CHST10: variants seen among roughly 807,000 people sequenced by gnomAD.
CHST10 encodes HNK-1 sulfotransferase.
In CHST10, 24 loss-of-function variants were observed where a neutral mutation model predicts 34.7. The ratio of observed to expected loss-of-function variants is 0.69; its 90% CI spans 0.50 to 0.97. CHST10 has a LOEUF of 0.97. CHST10 is among the 50% of genes least tolerant of loss of function. The pLI is 0.00. For synonymous variants in CHST10, 161 were observed against 169.3 expected, an observed-to-expected ratio of 0.95 and a Z score of 0.38; for missense variants, 402 against 452.1, an observed-to-expected ratio of 0.89 and a Z score of 1.00.
chr2:100,395,070 G>A (rs1339026933), intron 6 of CHST10, among the ~76,000 whole-genome samples: 1 of 152,290 alleles, frequency 6.6e-6, no homozygotes, highest in Middle Eastern at 3.4e-3. Flanking sequence ...CCCTGCCCAT[G>A]CTGGATGCAG....
intron 2 of CHST10, among the ~76,000 whole-genome samples, chr2:100,413,782 G>A (rs1449283481): frequency 6.6e-6 from 1 of 152,118 alleles, no homozygotes; most frequent in Non-Finnish European, 1.5e-5. Flanking sequence ...CTGCTGATGA[G>A]TTTGCCTCCC....
At chr2:100,413,934 CTCT>C (rs1285013079) in intron 2 of CHST10, among the ~76,000 whole-genome samples, 4 of 152,162 alleles carry the variant, frequency 2.6e-5, no homozygotes, top group Non-Finnish European at 5.9e-5. Flanking sequence ...CAAAGCCCTC[CTCT>C]GAGCCGGGGC....
Position 100,393,475 on chromosome 2 carries a change from C to T in CHST10, c.841G>A (p.Gly281Arg). The T allele has an allele frequency of 6.2e-7, 1 of 1,614,112 alleles. No individual in the cohort carries two copies. The highest frequency in any genetic ancestry group is 8.5e-7 in the Non-Finnish European group (1 of 1,180,034). The change falls in exon 7 of 7, where the codon GGA becomes AGA. Residue 281 changes from glycine (G) to arginine (R), a missense_variant. Transcript: ENST00000264249. ...TCGTCCTCCAGGGTCTCGTGGTGTC[C>T]AATCACACTGTACATTATCTCACAG... ...APCEIMYSVI[G>R]HHETLEDDAP...
At chr2:100,407,062 G>C (rs1411058075) in intron 2 of CHST10, among the ~76,000 whole-genome samples, 1 of 152,156 alleles carries the variant, frequency 6.6e-6, no homozygotes, top group African/African-American at 2.4e-5. Flanking sequence ...CGATGGTCTG[G>C]AAGCAGGTGG....
intron 1 of CHST10, chr2:100,416,743 T>A (rs1440713848): frequency 5.7e-6 from 2 of 349,286 alleles, no homozygotes; most frequent in African/African-American, 4.3e-5. Flanking sequence ...GTCCTGCCGC[T>A]GAGCTAACCA....
intron 5 of CHST10, 125 bp downstream of exon 5, chr2:100,397,783 G>T: frequency 1.4e-6 from 1 of 708,242 alleles, no homozygotes; most frequent in East Asian, 2.7e-5. Flanking sequence ...GGCCTGTCTG[G>T]ACGGCCACCA....
intron 6 of CHST10, among the ~76,000 whole-genome samples, chr2:100,394,308 G>A (rs995737867): frequency 8.5e-5 from 13 of 152,270 alleles, no homozygotes; most frequent in African/African-American, 1.2e-4. Flanking sequence ...AGCTGCAAGC[G>A]GGCGGCAGCA....
intron 2 of CHST10, among the ~76,000 whole-genome samples, chr2:100,407,368 C>G (rs184037141): frequency 6.6e-6 from 1 of 152,348 alleles, no homozygotes; most frequent in East Asian, 1.9e-4. Flanking sequence ...GCCACACTCT[C>G]CTGCAGGAGG....
chr2:100,395,356 T>C (rs1183381660), intron 6 of CHST10, among the ~76,000 whole-genome samples, 153 bp downstream of exon 6: 3 of 151,858 alleles, frequency 2.0e-5, no homozygotes, highest in Admixed American at 6.6e-5. Flanking sequence ...GAATGGGGGG[T>C]GTAGCTTAGC....
chr2:100,412,606 C>T (rs947446956), intron 2 of CHST10, among the ~76,000 whole-genome samples: 35 of 152,172 alleles, frequency 2.3e-4, no homozygotes, highest in South Asian at 4.1e-4. Flanking sequence ...CTCACCCCTT[C>T]TTAAATTTTA....
intron 5 of CHST10, 101 bp from the exon 6 acceptor site, chr2:100,395,715 C>G: frequency 1.2e-6 from 1 of 847,492 alleles, no homozygotes; most frequent in Admixed American, 2.1e-5. Context: ...TCATGTTCCC[C>G]ACGTGTGCAT....
chr2:100,393,618 C>T lies in CHST10; in HGVS notation c.698G>A (p.Arg233Gln), dbSNP rs201758367. The change falls in exon 7 of 7, where the codon CGG (arginine) becomes CAG (glutamine). Residue 233 changes from arginine to glutamine, a missense_variant. Physicochemically the swap from Arg to Gln is conservative, Grantham distance 43. Coordinates refer to ENST00000264249, the MANE Select transcript of CHST10 (RefSeq NM_004854.5). ...RKYRRNRTET[R>Q]GIQFEDFVRY... The stretch of plus-strand genomic sequence containing the variant: ...CACGAAATCTTCAAACTGGATCCCC[C>T]GGGTCTCTGTCCGGTTCCTCCTGTA... 1.5e-4 allele frequency: 237 copies of T among 1,613,984 alleles called. No homozygotes were observed. The highest frequency in any genetic ancestry group is 1.6e-4 in the Middle Eastern group (1 of 6,084).
Position 100,392,272 on chromosome 2 carries a change from G to A in CHST10, c.*973C>T, listed in dbSNP as rs909180604. The A allele has an allele frequency of 1.3e-5, 2 of 152,696 alleles. No individual in the cohort carries two copies. The highest frequency in any genetic ancestry group is 6.5e-5 in the Admixed American group (1 of 15,284). 9.5% of individuals were successfully genotyped at this position (152,696 alleles called of 1,614,324 possible). A position where few individuals can be genotyped will look rare whatever the true frequency, so the allele number is the denominator to read the frequency against. On this transcript the variant is annotated 3_prime_UTR_variant, in exon 7 of 7. Transcript: ENST00000264249. ...GGAATCGAAATGTATAAACTACACT[G>A]AATTCTGTGATGCTGGCAGGTTGCC...
rs1399289278 is a variant in CHST10 at position 100,402,608 on chromosome 2, C to T, written c.148G>A (p.Val50Met). The T allele has an allele frequency of 6.2e-7, 1 of 1,614,030 alleles. No homozygotes were observed. The highest frequency in any genetic ancestry group is 1.1e-5 in the South Asian group (1 of 91,074). Residue 50 changes from valine to methionine, a missense_variant, in exon 4 of 7, where the codon GTG (valine) becomes ATG (methionine). Val to Met is a conservative substitution (Grantham distance 21, BLOSUM62 1). Transcript: ENST00000264249. Reference sequence around the variant, plus strand: ...TGCTTCTCTTCTGGCAACTTCCTCACTTCCGGCATGGTTGTCAGGAACAGA... The same window carrying T: ...TGCTTCTCTTCTGGCAACTTCCTCATTTCCGGCATGGTTGTCAGGAACAGA... ...EFLFLTTMPE[V>M]RKLPEEKHIP...
intron 4 of CHST10, among the ~76,000 whole-genome samples, chr2:100,400,552 T>A (rs140016195): frequency 3.3e-5 from 5 of 152,206 alleles, no homozygotes; most frequent in African/African-American, 1.2e-4. Context: ...AGAAAAAAGA[T>A]TTCTTGTTCA....
At chr2:100,399,805 T>A (rs1355690455) in intron 4 of CHST10, among the ~76,000 whole-genome samples, 1 of 152,202 alleles carries the variant, frequency 6.6e-6, no homozygotes, top group Non-Finnish European at 1.5e-5. Flanking sequence ...GGGAAGAGCA[T>A]CCTGGGGGCT....
chr2:100,405,142 G>A (rs962850589), intron 3 of CHST10, among the ~76,000 whole-genome samples: 1 of 152,222 alleles, frequency 6.6e-6, no homozygotes, highest in Non-Finnish European at 1.5e-5. Flanking sequence ...TGTCCAAACT[G>A]TCAAACTGAG....
intron 2 of CHST10, among the ~76,000 whole-genome samples, chr2:100,410,440 G>T (rs1019066709): frequency 4.6e-5 from 7 of 152,222 alleles, no homozygotes; most frequent in African/African-American, 1.7e-4. Flanking sequence ...TGCTGGTCAG[G>T]ACAGCAGGGA....
chr2:100,416,885 T>G, intron 1 of CHST10: 1 of 1,065,158 alleles, frequency 9.4e-7, no homozygotes, highest in East Asian at 5.9e-5. Flanking sequence ...TGCCTCAACC[T>G]CCAACTTCGG....
Sources: allele counts gnomAD v4.1 joint callset (sites outside exome capture counted in the v4.1 genomes callset), GRCh38; gene constraint gnomAD v4.1.1; transcripts MANE v1.5; gene names NCBI Gene and HGNC (gene_info 2026-07-23, HGNC 2026-07-21).